Variants in EIF4G3 observed in about 807,000 individuals in gnomAD.
EIF4G3 encodes eukaryotic translation initiation factor 4 gamma 3.
A neutral mutation model predicts 186.4 loss-of-function variants in EIF4G3; 34 were observed. That is an observed-to-expected ratio of 0.18 (90% confidence interval 0.14 to 0.24). The LOEUF (loss-of-function observed/expected upper bound fraction) is 0.24. Ranked by LOEUF, EIF4G3 falls within the 10% of genes least tolerant of loss-of-function variation. The pLI, the probability that EIF4G3 is intolerant of heterozygous loss-of-function variation, is 1.00. For missense variants in EIF4G3, 1,536 were observed against 1,948.5 expected (o/e 0.79, Z 3.99); for synonymous variants, 673 against 679.5 (o/e 0.99, Z 0.15).
intron 2 of EIF4G3, among the ~76,000 whole-genome samples, chr1:21,134,461 G>A (rs1019571704): frequency 6.6e-6 from 1 of 152,076 alleles, no homozygotes; most frequent in Admixed American, 6.6e-5. Context: ...ATGAGGTTAG[G>A]AGTTTAAGAC....
Position 20,948,454 on chromosome 1 carries a change from A to G in EIF4G3, c.823+1549T>C, listed in dbSNP as rs199582736. On this transcript the variant is annotated intron_variant, in intron 13 of 36. Coordinates refer to ENST00000602326, the MANE Select transcript of EIF4G3 (RefSeq NM_001391906.1). ...GGATCACTAACTATCTTTTGGTTTA[A>G]AACTATCTTATATAACAAATACAGT... Among the ~76,000 whole-genome samples, 4 of 152,196 alleles carry G rather than the reference A, an allele frequency of 2.6e-5. No individual in the cohort carries two copies. In the East Asian group the frequency reaches 7.7e-4, roughly 29 times the overall value.
At chr1:21,021,458 C>A (rs747250113) in intron 4 of EIF4G3, among the ~76,000 whole-genome samples, 1 of 152,164 alleles carries the variant, frequency 6.6e-6, no homozygotes, top group Non-Finnish European at 1.5e-5. Flanking sequence ...ATTATGTAAG[C>A]TCAGGCTTCC....
intron 14 of EIF4G3, among the ~76,000 whole-genome samples, chr1:20,919,015 G>A (rs1306958742): frequency 6.6e-6 from 1 of 151,942 alleles, no homozygotes; most frequent in Non-Finnish European, 1.5e-5. Context: ...CACTAATGAG[G>A]TTAAGCATTT....
chr1:20,817,521 C>A lies in EIF4G3; in HGVS notation c.4386G>T (p.Glu1462Asp). The change falls in exon 34 of 37, where the codon GAG (glutamate) becomes GAT (aspartate). Residue 1462 changes from glutamate (E) to aspartate (D), a missense_variant. Physicochemically the swap from Glu to Asp is conservative, Grantham distance 45 (BLOSUM62 2). This residue lies in a region of EIF4G3 where 395 missense variants were observed against 498.9 expected (regional missense o/e 0.79). Coordinates refer to ENST00000602326, the MANE Select transcript of EIF4G3 (RefSeq NM_001391906.1). Reference sequence around the variant, plus strand: ...CTTCAGAGGAACAGGGACTGTCAGACTCTATGAAGTCCAACTTCTGAAACA... The same window carrying A: ...CTTCAGAGGAACAGGGACTGTCAGAATCTATGAAGTCCAACTTCTGAAACA... ...FLLEQKLDFI[E>D]SDSPCSSEAL... 6.3e-7 allele frequency: 1 copy of A among 1,597,932 alleles called. No individual in the cohort carries two copies. Among genetic ancestry groups the A allele is most frequent in the Non-Finnish European group, 8.5e-7 (1 of 1,171,220 alleles).
At position 20,827,861 on chromosome 1, in the gene EIF4G3, C is replaced by T. The variant is rs78515631; in HGVS notation, c.4188-163G>A. Reference sequence around the variant, plus strand: ...CTCTAAGTCATTTTCAGGAGAAGTTCCTGAAAAGGTACATGTGAGTTCTTG... The same window carrying T: ...CTCTAAGTCATTTTCAGGAGAAGTTTCTGAAAAGGTACATGTGAGTTCTTG... On this transcript the variant is annotated intron_variant, in intron 31 of 36. Transcript: ENST00000602326. Among the ~76,000 whole-genome samples, 1,005 of 152,176 alleles carry T rather than the reference C, an allele frequency of 6.6e-3. 8 individuals are homozygous for T. Among genetic ancestry groups the T allele is most frequent in the African/African-American group, 0.023 (941 of 41,486 alleles).
At chr1:21,148,052 A>G (rs996155297) in intron 2 of EIF4G3, among the ~76,000 whole-genome samples, 1 of 152,208 alleles carries the variant, frequency 6.6e-6, no homozygotes, top group Non-Finnish European at 1.5e-5. Flanking sequence ...TTATGCACAA[A>G]GATGGTTTCC....
intron 3 of EIF4G3, among the ~76,000 whole-genome samples, chr1:21,053,659 G>A (rs1029174340): frequency 0.011 from 1,506 of 138,460 alleles, 15 homozygotes; most frequent in Non-Finnish European, 0.017. Context: ...CTGCCCGGCC[G>A]CCCCTACTGG....
intron 30 of EIF4G3, among the ~76,000 whole-genome samples, chr1:20,834,351 T>C (rs762737004): frequency 6.6e-6 from 1 of 152,068 alleles, no homozygotes; most frequent in Non-Finnish European, 1.5e-5. Context: ...CCCAGGAGGA[T>C]TGCTTGAGTC....
At position 21,089,230 on chromosome 1, in the gene EIF4G3, A is replaced by T; in HGVS notation, c.-271-17T>A. The T allele has an allele frequency of 1.4e-6, 1 of 711,890 alleles. No individual in the cohort carries two copies. Among genetic ancestry groups the T allele is most frequent in the African/African-American group, 1.8e-5 (1 of 57,114 alleles). The allele number at this position is 711,890 out of a possible 1,614,324, so 44.1% of individuals were successfully genotyped here. ...CTAGGAATTCTAGAAGAGCGAGTTA[A>T]GGATAAGAGAATTCAAAAATGGATG... On this transcript the variant is annotated splice_polypyrimidine_tract_variant and intron_variant, in intron 2 of 36. Transcript: ENST00000602326.
rs141698528 is a variant in EIF4G3, at chr1:20,857,462, C to G, written c.3280G>C (p.Val1094Leu). ...ACCCGACTGTTCTTGGCCCCTTGTA[C>G]AGTGTTCCACCCACCTTCGTCCACT... is the stretch of plus-strand genomic sequence containing the variant. ...QRVDEGGWNT[V>L]QGAKNSRVLD... Residue 1094 changes from valine (V) to leucine (L), a missense_variant, in exon 25 of 37, where the codon GTA becomes CTA. Val to Leu is a conservative substitution (Grantham distance 32, BLOSUM62 1). This residue lies in a region of EIF4G3 where 110 missense variants were observed against 166.2 expected (regional missense o/e 0.66). Coordinates refer to ENST00000602326, the MANE Select transcript of EIF4G3 (RefSeq NM_001391906.1). 178 of 1,613,978 alleles carry G rather than the reference C, an allele frequency of 1.1e-4. 4 individuals are homozygous for G. The highest frequency in any genetic ancestry group is 4.7e-4 in the African/African-American group (35 of 74,884).
At chr1:20,913,085 T>G (rs2093436569) in intron 14 of EIF4G3, among the ~76,000 whole-genome samples, 1 of 152,302 alleles carries the variant, frequency 6.6e-6, no homozygotes, top group African/African-American at 2.4e-5. Flanking sequence ...TTTTTCCGCA[T>G]CTTCTCAGAG....
At chr1:21,077,453 A>C (rs571641651) in intron 3 of EIF4G3, among the ~76,000 whole-genome samples, 2 of 152,190 alleles carry the variant, frequency 1.3e-5, no homozygotes, top group South Asian at 4.1e-4. Flanking sequence ...GACATTTCTC[A>C]AAAGAAGATA....
intron 4 of EIF4G3, among the ~76,000 whole-genome samples, chr1:21,014,074 C>G (rs546231273): frequency 1.3e-5 from 2 of 152,198 alleles, no homozygotes; most frequent in African/African-American, 4.8e-5. Context: ...GGAGCTGAGG[C>G]AAGAGAATTG....
intron 4 of EIF4G3, among the ~76,000 whole-genome samples, chr1:21,009,058 C>T (rs1277363747): frequency 6.6e-6 from 1 of 152,190 alleles, no homozygotes; most frequent in Non-Finnish European, 1.5e-5. Context: ...AATAAGACTA[C>T]ATAGCTATAC....
intron 14 of EIF4G3, 36 bp from the exon 15 acceptor site, chr1:20,905,007 C>T: frequency 6.7e-7 from 1 of 1,488,938 alleles, no homozygotes; most frequent in Non-Finnish European, 9.3e-7. Flanking sequence ...CTTGCCACTG[C>T]AAAGTCATTC....
intron 2 of EIF4G3, among the ~76,000 whole-genome samples, chr1:21,113,414 A>T (rs2096762582): frequency 6.6e-6 from 1 of 151,868 alleles, no homozygotes; most frequent in African/African-American, 2.4e-5. Flanking sequence ...TCTGTGGAAA[A>T]AACCTGGTCT....
intron 19 of EIF4G3, 28 bp downstream of exon 19, chr1:20,886,173 G>T: frequency 6.3e-7 from 1 of 1,580,166 alleles, no homozygotes; most frequent in African/African-American, 1.4e-5. Flanking sequence ...AATTTCAAAA[G>T]AATGTTAGGA....
At chr1:20,989,206 T>C (rs1422969921) in intron 7 of EIF4G3, among the ~76,000 whole-genome samples, 1 of 150,984 alleles carries the variant, frequency 6.6e-6, no homozygotes, top group Non-Finnish European at 1.5e-5. Flanking sequence ...GATTCAAGAC[T>C]TCAATGGAAG....
At chr1:20,909,416 C>T (rs115187378) in intron 14 of EIF4G3, among the ~76,000 whole-genome samples, 1,952 of 152,178 alleles carry the variant, frequency 0.013, 45 homozygotes, top group African/African-American at 0.044. Context: ...GAATGACAAA[C>T]GTTACTGCTA....
Sources: gnomAD v4.1 joint callset for allele counts (sites outside exome capture counted in the v4.1 genomes callset) on GRCh38, gnomAD v4.1.1 for gene constraint, gnomAD v4.1.1 regional missense constraint, MANE v1.5 for transcripts, NCBI Gene and HGNC (gene_info 2026-07-23, HGNC 2026-07-21) for gene names.